FABP12: variants seen among roughly 807,000 people sequenced by gnomAD.
The protein encoded by FABP12 is fatty acid-binding protein 12.
FABP12 carries 19 observed loss-of-function variants against 13.7 expected under a neutral mutation model. The ratio of observed to expected loss-of-function variants is 1.39; its 90% CI spans 0.97 to 2.04. The LOEUF is 2.04. Among genes scored for constraint, FABP12 ranks in the 30% most tolerant of loss-of-function variants. The pLI, the probability that FABP12 is intolerant of heterozygous loss-of-function variation, is 0.00. For synonymous variants in FABP12, 61 were observed against 57.0 expected, an observed-to-expected ratio of 1.07 and a Z score of -0.32; for missense variants, 182 against 164.2, an observed-to-expected ratio of 1.11 and a Z score of -0.59.
intron 4 of FABP12, 126 bp from the exon 5 acceptor site, chr8:81,525,246 T>G: frequency 1.6e-6 from 1 of 630,580 alleles, no homozygotes; most frequent in South Asian, 2.0e-5. Context: ...CCGGGCGCGG[T>G]GGCTCACACC....
At chr8:81,578,231 T>C (rs968489657) in intron 1 of FABP12, among the ~76,000 whole-genome samples, 1 of 152,216 alleles carries the variant, frequency 6.6e-6, no homozygotes, top group African/African-American at 2.4e-5. Context: ...GAGAACCTAA[T>C]TCTTAAAAGA....
upstream of FABP12, among the ~76,000 whole-genome samples, chr8:81,535,658 A>C (rs1053774703): frequency 1.3e-5 from 2 of 152,236 alleles, no homozygotes; most frequent in African/African-American, 4.8e-5. Flanking sequence ...CGAGGCTGTC[A>C]GAATATCTGG....
At chr8:81,545,426 A>C (rs1197233735) in intron 1 of FABP12, among the ~76,000 whole-genome samples, 2 of 152,252 alleles carry the variant, frequency 1.3e-5, no homozygotes. Flanking sequence ...GAGACTAATC[A>C]GTTTCAATTA....
chr8:81,527,610 C>T (rs1318195074), intron 3 of FABP12, among the ~76,000 whole-genome samples: 1 of 152,200 alleles, frequency 6.6e-6, no homozygotes, highest in African/African-American at 2.4e-5. Context: ...GATCTGCCCA[C>T]ATTGGCCTCC....
upstream of FABP12, among the ~76,000 whole-genome samples, chr8:81,535,019 G>C (rs908739641): frequency 6.6e-6 from 1 of 152,152 alleles, no homozygotes; most frequent in Non-Finnish European, 1.5e-5. Context: ...TCCTGATTGA[G>C]GTAGGAAAGA....
intron 1 of FABP12, among the ~76,000 whole-genome samples, chr8:81,548,510 C>T (rs554955203): frequency 6.6e-6 from 1 of 152,158 alleles, no homozygotes; most frequent in East Asian, 1.9e-4. Context: ...AAGGGAATGT[C>T]GAGGGGCCAC....
At chr8:81,583,485 A>C (rs1295141524) in intron 1 of FABP12, among the ~76,000 whole-genome samples, 1 of 152,124 alleles carries the variant, frequency 6.6e-6, no homozygotes, top group Non-Finnish European at 1.5e-5. Flanking sequence ...GCCCAAATAA[A>C]CATAATCAAA....
chr8:81,529,547 T>C (rs753895403), exon 3 of FABP12: 1 of 1,613,972 alleles, frequency 6.2e-7, no homozygotes, highest in East Asian at 2.2e-5. Flanking sequence ...GACATCTCCA[T>C]CTGTACTGAT....
At chr8:81,578,781 GC>G (rs1329016510) in intron 1 of FABP12, among the ~76,000 whole-genome samples, 5 of 144,386 alleles carry the variant, frequency 3.5e-5, no homozygotes, top group African/African-American at 1.0e-4. Context: ...ACCGCGCCTG[GC>G]CTATTTAATT....
chr8:81,563,241 A>C (rs993275203), intron 1 of FABP12, among the ~76,000 whole-genome samples: 14 of 152,248 alleles, frequency 9.2e-5, no homozygotes, highest in Admixed American at 8.5e-4. Flanking sequence ...CTAAACAGAT[A>C]CAGCTACAGT....
intron 1 of FABP12, among the ~76,000 whole-genome samples, chr8:81,552,044 G>A (rs1809530701): frequency 6.6e-6 from 1 of 152,126 alleles, no homozygotes; most frequent in African/African-American, 2.4e-5. Context: ...TAGCAAACAA[G>A]CAACAGCAGG....
At chr8:81,534,546 T>A (rs575276803), upstream of FABP12, among the ~76,000 whole-genome samples, 2 of 152,314 alleles carry the variant, frequency 1.3e-5, no homozygotes, top group East Asian at 3.9e-4. Context: ...TCCATTATAC[T>A]AGCCACTTCT....
At chr8:81,531,199 T>C in intron 2 of FABP12, 44 bp downstream of exon 2, 1 of 1,341,416 alleles carries the variant, frequency 7.5e-7, no homozygotes, top group Non-Finnish European at 1.1e-6. Flanking sequence ...GCTATCAAAA[T>C]GCCCATTTTT....
intron 1 of FABP12, among the ~76,000 whole-genome samples, chr8:81,544,515 G>A (rs1809403267): frequency 6.6e-6 from 1 of 152,178 alleles, no homozygotes; most frequent in African/African-American, 2.4e-5. Flanking sequence ...TCCCATTAGA[G>A]TGTGGACATA....
chr8:81,536,628 A>G (rs1795908796), upstream of FABP12, among the ~76,000 whole-genome samples: 1 of 152,260 alleles, frequency 6.6e-6, no homozygotes, highest in African/African-American at 2.4e-5. Context: ...GGGGATTGAA[A>G]TAGAAATCCG....
At chr8:81,574,875 T>C (rs995642887) in intron 1 of FABP12, among the ~76,000 whole-genome samples, 16 of 152,104 alleles carry the variant, frequency 1.1e-4, no homozygotes, top group African/African-American at 3.6e-4. Flanking sequence ...GGTCTATCAA[T>C]TTTATTTATC....
At chr8:81,579,488 G>T (rs1022718945) in intron 1 of FABP12, among the ~76,000 whole-genome samples, 3 of 152,066 alleles carry the variant, frequency 2.0e-5, no homozygotes, top group Non-Finnish European at 4.4e-5. Flanking sequence ...TAAATGTTTA[G>T]ATTGACAAAT....
At chr8:81,539,485 C>T (rs1809294263) in intron 2 of FABP12, among the ~76,000 whole-genome samples, 1 of 133,388 alleles carries the variant, frequency 7.5e-6, no homozygotes, top group Admixed American at 8.0e-5. Flanking sequence ...CTTCATCACC[C>T]ACTCCCGTCA....
chr8:81,527,140 T>G lies in FABP12; in HGVS notation c.247-19A>C, dbSNP rs1470036480. Reference sequence around the variant, plus strand: ...CTTTACTCTGAAAAACAGAAAAAACTAAATTCAGATCAGCTTGTCATATTT... The same window carrying G: ...CTTTACTCTGAAAAACAGAAAAAACGAAATTCAGATCAGCTTGTCATATTT... On this transcript the variant is annotated intron_variant, in intron 3 of 4. Coordinates refer to ENST00000360464, the Ensembl canonical transcript of FABP12. 1.4e-6 allele frequency: 2 copies of G among 1,395,048 alleles called. No homozygotes were observed. Among genetic ancestry groups the G allele is most frequent in the East Asian group, 2.3e-5 (1 of 43,676 alleles). 86.4% of individuals were successfully genotyped at this position (1,395,048 alleles called of 1,614,324 possible).
Sources: allele counts gnomAD v4.1 joint callset (sites outside exome capture counted in the v4.1 genomes callset), GRCh38; gene constraint gnomAD v4.1.1; transcripts MANE v1.5; gene names NCBI Gene and HGNC (gene_info 2026-07-23, HGNC 2026-07-21).